OGDHL: variants seen among roughly 807,000 people sequenced by gnomAD.
The protein encoded by OGDHL is oxoglutarate dehydrogenase L, also known as 2-oxoglutarate dehydrogenase-like, mitochondrial.
In OGDHL, 79 loss-of-function variants were observed where a neutral mutation model predicts 109.6. The observed-to-expected ratio is 0.72, with a 90% CI of 0.60 to 0.87. The LOEUF (loss-of-function observed/expected upper bound fraction) is 0.87. Among genes scored for constraint, OGDHL ranks in the 40% least tolerant of loss-of-function variants. The pLI, the probability that OGDHL is intolerant of heterozygous loss-of-function variation, is 0.00. For synonymous variants in OGDHL, 528 were observed against 537.2 expected, an observed-to-expected ratio of 0.98 and a Z score of 0.24; for missense variants, 1,275 against 1,362.2, an observed-to-expected ratio of 0.94 and a Z score of 1.01.
intron 8 of OGDHL, among the ~76,000 whole-genome samples, chr10:49,749,508 A>T (rs1368359418): frequency 1.3e-5 from 2 of 152,238 alleles, no homozygotes; most frequent in Non-Finnish European, 2.9e-5. Flanking sequence ...GTTGACCCAG[A>T]TTATCTGAGG....
chr10:49,758,470 T>C lies in OGDHL; in HGVS notation c.123A>G (p.Pro41=). The change falls in exon 2 of 23, where the codon CCA becomes CCG. Residue 41 remains proline, a synonymous_variant. Coordinates refer to ENST00000374103, the MANE Select transcript of OGDHL (RefSeq NM_018245.3). The stretch of plus-strand genomic sequence containing the variant: ...TGGAGCCGCCTCCACCTTTGCTGCT[T>C]GGGAAGGTGGCCGGTGGCCCGGAGG... The part of the protein sequence containing the change: ...SRSSGPPATF[P]SSKGGGGSSY... 6.2e-7 allele frequency: 1 copy of C among 1,613,832 alleles called. No individual in the cohort carries two copies. Among genetic ancestry groups the C allele is most frequent in the Non-Finnish European group, 8.5e-7 (1 of 1,180,004 alleles).
rs1751833926 is a variant in OGDHL, at chr10:49,739,602, C to T, written c.2319+59G>A. 6.4e-6 allele frequency: 10 copies of T among 1,572,144 alleles called. No individual in the cohort carries two copies. The South Asian group carries it at 7.2e-5, about 11-fold the overall frequency. ...CCCGACAAGGGGCCCAGGGTCCATCCCGCCCCTTCAAGGCCCGCCAGAACC... is the reference window on the plus strand; with the variant it reads ...CCCGACAAGGGGCCCAGGGTCCATCTCGCCCCTTCAAGGCCCGCCAGAACC... On this transcript the variant is annotated intron_variant, in intron 17 of 22. Coordinates refer to ENST00000374103, the MANE Select transcript of OGDHL (RefSeq NM_018245.3).
At chr10:49,748,642 T>C (rs1276107164) in intron 8 of OGDHL, among the ~76,000 whole-genome samples, 4 of 152,110 alleles carry the variant, frequency 2.6e-5, no homozygotes, top group African/African-American at 9.7e-5. Context: ...TTTATCCCTG[T>C]TTTATGGAAG....
chr10:49,761,090 A>C (rs1241028310), intron 1 of OGDHL, among the ~76,000 whole-genome samples: 5 of 152,050 alleles, frequency 3.3e-5, no homozygotes, highest in South Asian at 2.1e-4. Flanking sequence ...ATGAGGGCTC[A>C]GTATCTAGAG....
chr10:49,750,975 A>G lies in OGDHL; in HGVS notation c.760T>C (p.Phe254Leu). ...RLVRSMRFED[F>L]LARKWSSEKR... is the part of the protein sequence containing the mutation. Reference sequence around the variant, plus strand: ...TCTGAGGACCATTTCCGGGCCAGGAAGTCTTCAAACCTGCTTGGGGAGAGG... The same window carrying G: ...TCTGAGGACCATTTCCGGGCCAGGAGGTCTTCAAACCTGCTTGGGGAGAGG... Residue 254 changes from phenylalanine to leucine, a missense_variant, in exon 7 of 23, where the codon TTC becomes CTC. By Grantham distance (22) the Phe-to-Leu change is conservative. Transcript: ENST00000374103. The G allele has an allele frequency of 1.9e-6, 3 of 1,604,638 alleles. No individual in the cohort carries two copies. The highest frequency in any genetic ancestry group is 2.6e-6 in the Non-Finnish European group (3 of 1,173,894).
chr10:49,749,144 G>A (rs11101225), intron 8 of OGDHL, among the ~76,000 whole-genome samples: 8,209 of 152,246 alleles, frequency 0.054, 380 homozygotes, highest in Admixed American at 0.13. Context: ...AGGAGGCAGA[G>A]GTTGCAGTGA....
In OGDHL at chr10:49,752,691, G is replaced by A; in HGVS notation, c.425C>T (p.Ala142Val). ...AQLDPLGILD[A>V]DLDSFVPSDL... ...TGAGGGCACAAAGGAGTCCAGGTCT[G>A]CATCCAGAATGCCCAGGGGGTCCAG... The change falls in exon 4 of 23, where the codon GCA becomes GTA. Residue 142 changes from alanine to valine, a missense_variant. Ala to Val is a moderately conservative substitution (Grantham distance 64, BLOSUM62 0). Transcript: ENST00000374103. 1 of 1,614,184 alleles carries A rather than the reference G, an allele frequency of 6.2e-7. No homozygotes were observed. Among genetic ancestry groups the A allele is most frequent in the Non-Finnish European group, 8.5e-7 (1 of 1,180,012 alleles).
intron 20 of OGDHL, among the ~76,000 whole-genome samples, chr10:49,737,042 A>G (rs6537552): frequency 0.52 from 79,219 of 151,960 alleles, 21,503 homozygotes; most frequent in African/African-American, 0.63. Context: ...CCTCTCAGGA[A>G]GCTACTGTAG....
At chr10:49,755,837 C>T (rs543867210) in intron 3 of OGDHL, among the ~76,000 whole-genome samples, 2 of 152,366 alleles carry the variant, frequency 1.3e-5, no homozygotes, top group East Asian at 1.9e-4. Flanking sequence ...TACAGTTTTA[C>T]ATCCTTGTTC....
rs1842608163 is a variant in OGDHL, at chr10:49,751,790, G to C, written c.749+37C>G. The C allele has an allele frequency of 3.1e-6, 5 of 1,605,546 alleles. No individual in the cohort carries two copies. In the East Asian group the frequency reaches 1.1e-4, roughly 36 times the overall value. On this transcript the variant is annotated intron_variant, in intron 6 of 22. Transcript: ENST00000374103. ...GGACGTCTCATAGAGCCCTGGAGCA[G>C]GACCTCCAGCCACTTGGCCCTCCAG...
At chr10:49,759,511 C>T (rs552531483) in intron 1 of OGDHL, among the ~76,000 whole-genome samples, 16 of 64,082 alleles carry the variant, frequency 2.5e-4, no homozygotes, top group Admixed American at 8.9e-4. Flanking sequence ...ATTCCGCAGA[C>T]GGTAAGAGTT....
At position 49,743,059 on chromosome 10, in the gene OGDHL, G is replaced by T. The variant is rs1009798271; in HGVS notation, c.1862-81C>A. ...TAGGTAGGTGCTCAGCACACACCCC[G>T]CACAAAGCAGGGCAGCCATCTGTTG... is the stretch of plus-strand genomic sequence containing the variant. On this transcript the variant is annotated intron_variant, in intron 14 of 22. Coordinates refer to ENST00000374103, the MANE Select transcript of OGDHL (RefSeq NM_018245.3). 6 of 1,499,830 alleles carry T rather than the reference G, an allele frequency of 4.0e-6. No individual in the cohort carries two copies. The African/African-American group carries it at 8.3e-5, about 21-fold the overall frequency. The allele number at this position is 1,499,830 out of a possible 1,614,324, so 92.9% of individuals were successfully genotyped here.
intron 21 of OGDHL, 79 bp downstream of exon 21, chr10:49,736,278 T>C: frequency 6.3e-7 from 1 of 1,590,082 alleles, no homozygotes; most frequent in South Asian, 1.2e-5. Flanking sequence ...TCATCTGGCC[T>C]GCCTGGCACA....
chr10:49,758,412 C>T lies in OGDHL; in HGVS notation c.181G>A (p.Glu61Lys), dbSNP rs747302011. The T allele has an allele frequency of 1.4e-4, 218 of 1,613,278 alleles. 3 individuals are homozygous for T. In the South Asian group the frequency reaches 2.3e-3, roughly 17 times the overall value. ...YMEEMYFAWL[E>K]NPQSVHKSWD... ...ACCTTGTGGACACTCTGGGGGTTTT[C>T]CAACCAGGCGAAGTACATCTCCTCC... The change falls in exon 2 of 23, where the codon GAA becomes AAA. Residue 61 changes from glutamate (E) to lysine (K), a missense_variant. Transcript: ENST00000374103.
intron 20 of OGDHL, 101 bp downstream of exon 20, chr10:49,737,685 C>T: frequency 7.6e-7 from 1 of 1,309,140 alleles, no homozygotes; most frequent in South Asian, 1.2e-5. Flanking sequence ...TCAGCAGAGC[C>T]ACAGGCAGAG....
chr10:49,761,503 T>C (rs1413579979), intron 1 of OGDHL, among the ~76,000 whole-genome samples: 1 of 152,224 alleles, frequency 6.6e-6, no homozygotes, highest in Non-Finnish European at 1.5e-5. Context: ...GACCCCACTT[T>C]CTGAGAAGCA....
chr10:49,749,261 C>A (rs1258177), intron 8 of OGDHL, among the ~76,000 whole-genome samples: 101,385 of 152,074 alleles, frequency 0.67, 34,214 homozygotes, highest in East Asian at 0.93. Context: ...AGGCCTGGCC[C>A]AGGCCTCCCA....
rs778624748 is a variant in OGDHL at position 49,738,043 on chromosome 10, C to G, written c.2421G>C (p.Gln807His). Residue 807 changes from glutamine to histidine, a missense_variant, in exon 19 of 23, where the codon CAG becomes CAC. Coordinates refer to ENST00000374103, the MANE Select transcript of OGDHL (RefSeq NM_018245.3). ...CCACGATCCAGTTGCAGTCATAGAG[C>G]TGGCTCACCTCGAAGTCCTTGGTGA... ...PAFTKDFEVS[Q>H]LYDCNWIVVN... 3 of 1,614,192 alleles carry G rather than the reference C, an allele frequency of 1.9e-6. No individual in the cohort carries two copies. Among genetic ancestry groups the G allele is most frequent in the East Asian group, 4.5e-5 (2 of 44,874 alleles).
chr10:49,742,400 A>C (rs1841806952), intron 15 of OGDHL, among the ~76,000 whole-genome samples: 1 of 114,358 alleles, frequency 8.7e-6, no homozygotes, highest in African/African-American at 2.8e-5. Flanking sequence ...CCCCACACAC[A>C]CCACACACAC....
Sources: gnomAD v4.1 joint callset for allele counts (sites outside exome capture counted in the v4.1 genomes callset) on GRCh38, gnomAD v4.1.1 for gene constraint, MANE v1.5 for transcripts, NCBI Gene and HGNC (gene_info 2026-07-23, HGNC 2026-07-21) for gene names.